STK3: variants seen among roughly 807,000 people sequenced by gnomAD.
The protein encoded by STK3 is serine/threonine kinase 3, also known as serine/threonine-protein kinase 3.
STK3 carries 41 observed loss-of-function variants against 58.0 expected under a neutral mutation model. That is an observed-to-expected ratio of 0.71 (90% CI 0.55 to 0.92). STK3 has a LOEUF of 0.92. STK3 is among the 40% of genes least tolerant of loss of function. The pLI is 0.00. For missense variants in STK3, 479 were observed against 602.7 expected (o/e 0.79, Z 2.15); for synonymous variants, 170 against 191.0 (o/e 0.89, Z 0.91).
intron 3 of STK3, among the ~76,000 whole-genome samples, chr8:98,842,471 T>A (rs1836030996): frequency 1.3e-5 from 2 of 151,638 alleles, no homozygotes; most frequent in Admixed American, 1.3e-4. Context: ...AACTCAGGAG[T>A]CTGAAAACAG....
chr8:98,649,914 T>G (rs190927965), intron 6 of STK3, among the ~76,000 whole-genome samples: 1 of 152,220 alleles, frequency 6.6e-6, no homozygotes, highest in Non-Finnish European at 1.5e-5. Context: ...TCAATTAGAT[T>G]TTTACGAATT....
At chr8:98,395,652 C>CTTT in intron 3 of STK3, among the ~76,000 whole-genome samples, 1 of 152,254 alleles carries the variant, frequency 6.6e-6, no homozygotes, top group East Asian at 1.9e-4. Flanking sequence ...GAACAGATAA[C>CTTT]TTTTTTGTTG....
At chr8:98,416,270 G>A (rs908952487) in intron 3 of STK3, among the ~76,000 whole-genome samples, 4 of 151,744 alleles carry the variant, frequency 2.6e-5, no homozygotes, top group African/African-American at 9.7e-5. Flanking sequence ...GAAGACTCTA[G>A]CTTTGACATC....
intron 10 of STK3, among the ~76,000 whole-genome samples, chr8:98,525,452 C>G (rs993008777): frequency 4.6e-5 from 7 of 151,376 alleles, no homozygotes; most frequent in Non-Finnish European, 2.9e-5. Context: ...AGATTTATTC[C>G]AACTGACACA....
intron 6 of STK3, among the ~76,000 whole-genome samples, chr8:98,643,390 C>G (rs895007423): frequency 6.6e-6 from 1 of 152,168 alleles, no homozygotes; most frequent in Non-Finnish European, 1.5e-5. Flanking sequence ...CAAGCATGTT[C>G]CCATCTCACA....
intron 6 of STK3, among the ~76,000 whole-genome samples, chr8:98,632,846 G>C (rs79694448): frequency 0.032 from 4,847 of 152,204 alleles, 116 homozygotes; most frequent in Non-Finnish European, 0.047. Context: ...TGATAAGAGA[G>C]AGAATATTCT....
intron 10 of STK3, among the ~76,000 whole-genome samples, chr8:98,488,739 T>C (rs920243169): frequency 6.6e-6 from 1 of 152,108 alleles, no homozygotes; most frequent in African/African-American, 2.4e-5. Context: ...AAAACTAAGA[T>C]GAAAATGCAG....
chr8:98,463,507 A>T (rs1271746872), intron 10 of STK3, among the ~76,000 whole-genome samples: 1 of 152,128 alleles, frequency 6.6e-6, no homozygotes, highest in Non-Finnish European at 1.5e-5. Flanking sequence ...AAATCAATTC[A>T]CTGATAATTC....
chr8:98,733,599 C>T (rs992717092), intron 4 of STK3, among the ~76,000 whole-genome samples: 2 of 152,308 alleles, frequency 1.3e-5, no homozygotes, highest in South Asian at 2.1e-4. Flanking sequence ...AGGTCGAGGA[C>T]CACTGTGCTA....
intron 10 of STK3, among the ~76,000 whole-genome samples, chr8:98,469,517 A>C (rs1487390958): frequency 6.6e-6 from 1 of 152,204 alleles, no homozygotes; most frequent in East Asian, 1.9e-4. Flanking sequence ...ACTAATGTGG[A>C]CATGGAAGCA....
chr8:98,547,520 T>G (rs1039749045), intron 9 of STK3, among the ~76,000 whole-genome samples: 2 of 152,302 alleles, frequency 1.3e-5, no homozygotes, highest in South Asian at 4.1e-4. Context: ...TCTTAATCCT[T>G]CTTTCTAGTG....
chr8:98,840,263 C>T (rs1048363299), intron 3 of STK3, among the ~76,000 whole-genome samples: 1 of 149,400 alleles, frequency 6.7e-6, no homozygotes, highest in South Asian at 2.1e-4. Context: ...ACGAGAATCA[C>T]TTGAACCCAG....
chr8:98,403,740 C>T (rs564483873), intron 3 of STK3, among the ~76,000 whole-genome samples: 2 of 152,176 alleles, frequency 1.3e-5, no homozygotes, highest in Non-Finnish European at 2.9e-5. Flanking sequence ...TGCACACTAC[C>T]CTTGTTACAA....
chr8:98,882,226 T>C (rs1334516304), downstream of STK3: 1 of 152,152 alleles, frequency 6.6e-6, no homozygotes, highest in Non-Finnish European at 1.5e-5. Context: ...GTGTTTATAG[T>C]TGCTTCCCTT....
the STK3 span, among the ~76,000 whole-genome samples, chr8:98,361,643 C>T: frequency 2.0e-5 from 3 of 152,142 alleles, no homozygotes; most frequent in Non-Finnish European, 4.4e-5. Flanking sequence ...GTCATGAGTT[C>T]AAAATGCCTG....
intron 10 of STK3, among the ~76,000 whole-genome samples, chr8:98,467,568 G>GTT (rs1055158571): frequency 1.3e-5 from 2 of 151,896 alleles, no homozygotes; most frequent in African/African-American, 4.8e-5. Context: ...GTGTGTGTGT[G>GTT]TGTGTGTGGC....
At chr8:98,820,355 T>G (rs1834810729) in intron 1 of STK3, among the ~76,000 whole-genome samples, 1 of 152,210 alleles carries the variant, frequency 6.6e-6, no homozygotes, top group Non-Finnish European at 1.5e-5. Context: ...ATCCTTTTAG[T>G]GTTTTCATTG....
At chr8:98,903,557 C>CTTCTTCTT (rs1564093746) in intron 1 of STK3, among the ~76,000 whole-genome samples, 1 of 9,926 alleles carries the variant, frequency 1.0e-4, no homozygotes. Context: ...CTTCTTCTTC[C>CTTCTTCTT]TTTTTTTTTT....
chr8:98,659,071 G>A (rs970769091), intron 6 of STK3, among the ~76,000 whole-genome samples: 1 of 151,926 alleles, frequency 6.6e-6, no homozygotes, highest in African/African-American at 2.4e-5. Context: ...ATATACCCTA[G>A]GTGTACAGAC....
Sources: gnomAD v4.1 joint callset for allele counts (sites outside exome capture counted in the v4.1 genomes callset) on GRCh38, gnomAD v4.1.1 for gene constraint, MANE v1.5 for transcripts, NCBI Gene and HGNC (gene_info 2026-07-23, HGNC 2026-07-21) for gene names.